Variants in NRCAM observed in about 807,000 individuals in gnomAD.
NRCAM encodes the protein neuronal cell adhesion molecule.
Under a neutral mutation model 156.5 loss-of-function variants are expected in NRCAM, and 83 were observed. The observed-to-expected ratio is 0.53, with a 90% CI of 0.44 to 0.64. NRCAM has a LOEUF of 0.64. Ranked by LOEUF, NRCAM falls within the 30% of genes least tolerant of loss-of-function variation. NRCAM has a pLI of 0.00. For missense variants in NRCAM, 1,417 were observed against 1,597.3 expected (o/e 0.89, Z 1.92); for synonymous variants, 538 against 563.9 (o/e 0.95, Z 0.65).
rs191993599 is a variant in NRCAM at position 108,322,993 on chromosome 7, G to A, written c.-173-10262C>T. Among the ~76,000 whole-genome samples the A allele has an allele frequency of 5.9e-5, 9 of 152,220 alleles. No homozygotes were observed. The East Asian group carries it at 1.5e-3, about 26-fold the overall frequency. The stretch of plus-strand genomic sequence containing the variant: ...TAATAATCCTGACCTATTTCTCAAG[G>A]TCTCTGGGGACAATTCATTTAGGAA... On this transcript the variant is annotated intron_variant, in intron 2 of 32. Transcript: ENST00000379028.
At chr7:108,191,507 G>A (rs2071493166) in intron 18 of NRCAM, among the ~76,000 whole-genome samples, 1 of 152,128 alleles carries the variant, frequency 6.6e-6, no homozygotes, top group African/African-American at 2.4e-5. Context: ...TACAAAAAAG[G>A]TTACTAATGT....
At chr7:108,267,921 T>TTTAACTGGAAATCTATACAGATAA (rs1471816460) in intron 3 of NRCAM, among the ~76,000 whole-genome samples, 1 of 152,170 alleles carries the variant, frequency 6.6e-6, no homozygotes. Context: ...ATATTATCTG[T>TTTAACTGGAAATCTATACAGATAA]TTAACTGGAA....
At chr7:108,379,288 A>T (rs571099227) in intron 2 of NRCAM, among the ~76,000 whole-genome samples, 27 of 152,316 alleles carry the variant, frequency 1.8e-4, no homozygotes, top group African/African-American at 6.3e-4. Context: ...AGGAACGTAT[A>T]ATGAAATATT....
intron 11 of NRCAM, among the ~76,000 whole-genome samples, chr7:108,211,443 C>G (rs1443407274): frequency 6.6e-6 from 1 of 152,198 alleles, no homozygotes; most frequent in African/African-American, 2.4e-5. Context: ...TGGGGAAGAA[C>G]TAAGCCCTTT....
At chr7:108,189,770 C>G (rs764126842) in intron 19 of NRCAM, 24 bp from the exon 20 acceptor site, 1 of 831,134 alleles carries the variant, frequency 1.2e-6, no homozygotes, top group Non-Finnish European at 2.1e-6. Context: ...ATACACACAT[C>G]ATGGTCACGC....
At chr7:108,300,160 C>CTTTTTTTTTTTTTTTT (rs10665036) in intron 3 of NRCAM, among the ~76,000 whole-genome samples, 4 of 65,856 alleles carry the variant, frequency 6.1e-5, no homozygotes, top group African/African-American at 2.3e-4. Flanking sequence ...TTTCTGTTGA[C>CTTTTTTTTTTTTTTTT]TTTTTTTTTT....
At chr7:108,158,111 G>A (rs1563180898) in intron 32 of NRCAM, among the ~76,000 whole-genome samples, 1 of 152,124 alleles carries the variant, frequency 6.6e-6, no homozygotes, top group Non-Finnish European at 1.5e-5. Context: ...ACGGGCTTCT[G>A]TAGGCTGCTC....
chr7:108,174,515 A>G (rs1479585862), intron 28 of NRCAM, among the ~76,000 whole-genome samples: 1 of 152,244 alleles, frequency 6.6e-6, no homozygotes, highest in Non-Finnish European at 1.5e-5. Flanking sequence ...CTCTCTAAAA[A>G]GCTGACTGGT....
chr7:108,439,756 C>T (rs988032905), intron 1 of NRCAM, among the ~76,000 whole-genome samples: 2 of 150,062 alleles, frequency 1.3e-5, no homozygotes, highest in African/African-American at 4.9e-5. Flanking sequence ...ATCACTTGAA[C>T]CCGGAGGCAG....
At chr7:108,321,399 A>G (rs2098999306) in intron 2 of NRCAM, among the ~76,000 whole-genome samples, 1 of 152,206 alleles carries the variant, frequency 6.6e-6, no homozygotes, top group Non-Finnish European at 1.5e-5. Context: ...ACCTGGCAAG[A>G]GAGTGAGTGA....
At chr7:108,404,260 C>CTA (rs1420697134) in intron 1 of NRCAM, among the ~76,000 whole-genome samples, 1 of 122,566 alleles carries the variant, frequency 8.2e-6, no homozygotes, top group Non-Finnish European at 1.8e-5. Flanking sequence ...GCTTCCTTCT[C>CTA]AGTTGTGCTG....
chr7:108,304,081 A>G (rs2098677211), intron 3 of NRCAM, among the ~76,000 whole-genome samples: 1 of 152,088 alleles, frequency 6.6e-6, no homozygotes, highest in Non-Finnish European at 1.5e-5. Flanking sequence ...CTCCAAAATT[A>G]CTTTCAATCA....
chr7:108,420,951 C>T (rs1808789343), intron 1 of NRCAM, among the ~76,000 whole-genome samples: 1 of 152,082 alleles, frequency 6.6e-6, no homozygotes, highest in Non-Finnish European at 1.5e-5. Context: ...ATAGTAAGAG[C>T]ATGTTGGTAG....
chr7:108,217,174 C>T (rs556862351), intron 11 of NRCAM, among the ~76,000 whole-genome samples: 2 of 152,328 alleles, frequency 1.3e-5, no homozygotes, highest in East Asian at 3.9e-4. Context: ...ACAGTCAGGG[C>T]CCTCTGCTGC....
intron 1 of NRCAM, among the ~76,000 whole-genome samples, chr7:108,431,717 C>T (rs1033020643): frequency 6.6e-6 from 1 of 152,062 alleles, no homozygotes; most frequent in African/African-American, 2.4e-5. Flanking sequence ...CCTGGGAGGT[C>T]GAGGCTGCAG....
At chr7:108,452,228 G>A (rs1178940027) in intron 1 of NRCAM, among the ~76,000 whole-genome samples, 1 of 152,144 alleles carries the variant, frequency 6.6e-6, no homozygotes, top group Non-Finnish European at 1.5e-5. Context: ...AGTGGGTAGG[G>A]GAATTGGGGA....
At chr7:108,431,916 G>A (rs1323940601) in intron 1 of NRCAM, among the ~76,000 whole-genome samples, 1 of 152,234 alleles carries the variant, frequency 6.6e-6, no homozygotes, top group Admixed American at 6.5e-5. Flanking sequence ...GTAGAGGTAA[G>A]GGTAACTTGG....
chr7:108,314,287 A>T (rs1315591568), intron 2 of NRCAM, among the ~76,000 whole-genome samples: 1 of 152,118 alleles, frequency 6.6e-6, no homozygotes, highest in Non-Finnish European at 1.5e-5. Flanking sequence ...TGTTACATTC[A>T]TTACTCTTGT....
chr7:108,235,324 T>C (rs1303112193), intron 5 of NRCAM, among the ~76,000 whole-genome samples: 5 of 152,160 alleles, frequency 3.3e-5, no homozygotes, highest in Non-Finnish European at 5.9e-5. Flanking sequence ...CAAAGTGTTA[T>C]CTGATCTTTT....
Sources: gnomAD v4.1 joint callset for allele counts (sites outside exome capture counted in the v4.1 genomes callset) on GRCh38, gnomAD v4.1.1 for gene constraint, MANE v1.5 for transcripts, NCBI Gene and HGNC (gene_info 2026-07-23, HGNC 2026-07-21) for gene names.